Variants in DNAAF1 observed in about 807,000 individuals in gnomAD.
DNAAF1 encodes the protein dynein axonemal assembly factor 1, also known as dynein assembly factor 1, axonemal.
A neutral mutation model predicts 71.1 loss-of-function variants in DNAAF1; 65 were observed. That is an observed-to-expected ratio of 0.91 (90% CI 0.75 to 1.12). The LOEUF (loss-of-function observed/expected upper bound fraction) is 1.12. Ranked by LOEUF, DNAAF1 falls within the 50% of genes most tolerant of loss-of-function variation. The pLI, the probability that DNAAF1 is intolerant of heterozygous loss-of-function variation, is 0.00. For missense variants in DNAAF1, 1,178 were observed against 899.8 expected, an observed-to-expected ratio of 1.31 and a Z score of -3.96; for synonymous variants, 414 against 354.6, an observed-to-expected ratio of 1.17 and a Z score of -1.88.
intron 6 of DNAAF1, among the ~76,000 whole-genome samples, chr16:84,161,545 T>C (rs2087716625): frequency 6.6e-6 from 1 of 152,134 alleles, no homozygotes; most frequent in African/African-American, 2.4e-5. Flanking sequence ...TTAAGTTTTT[T>C]GTAGAGATGG....
rs976873531 is a variant in DNAAF1 at position 84,147,613 on chromosome 16, T to C, written c.125-1394T>C. 9.2e-5 allele frequency among the ~76,000 whole-genome samples: 14 copies of C among 152,124 alleles called. No homozygotes were observed. The East Asian group carries it at 2.7e-3, about 29-fold the overall frequency. The stretch of plus-strand genomic sequence containing the variant: ...AGCTGGGACTACAGGCATGCTCCAC[T>C]ACACCTGGCTTCAGAAATTTTTTAA... On this transcript the variant is annotated intron_variant, in intron 1 of 11. Coordinates refer to ENST00000378553, the MANE Select transcript of DNAAF1 (RefSeq NM_178452.6).
At chr16:84,171,233 C>G (rs374991430) in intron 8 of DNAAF1, among the ~76,000 whole-genome samples, 1 of 152,042 alleles carries the variant, frequency 6.6e-6, no homozygotes, top group African/African-American at 2.4e-5. Context: ...GCCGGGAGTT[C>G]GAGACCAGCC....
rs146766692 is a variant in DNAAF1 at position 84,159,675 on chromosome 16, C to T, written c.742C>T (p.Arg248Cys). The change falls in exon 6 of 12, where the codon CGT becomes TGT. Residue 248 changes from arginine (R) to cysteine (C), a missense_variant and splice_region_variant. Coordinates refer to ENST00000378553, the MANE Select transcript of DNAAF1 (RefSeq NM_178452.6). ...LSILESMPDL[R>C]VLNLMGNPVI... ...TTTGGTTCTGCTTGTCTTCTTGCAG[C>T]GTGTACTGAATTTGATGGGAAACCC... The T allele has an allele frequency of 1.8e-5, 29 of 1,610,430 alleles. No individual in the cohort carries two copies. Among genetic ancestry groups the T allele is most frequent in the African/African-American group, 2.7e-5 (2 of 74,760 alleles).
intron 10 of DNAAF1, 94 bp downstream of exon 10, chr16:84,174,816 T>C: frequency 6.7e-7 from 1 of 1,498,644 alleles, no homozygotes; most frequent in Non-Finnish European, 9.3e-7. Context: ...GAAAGTAAAA[T>C]GTTCCCTGTG....
At chr16:84,177,489 C>T in intron 11 of DNAAF1, 1 of 443,154 alleles carries the variant, frequency 2.3e-6, no homozygotes, top group South Asian at 2.0e-5. Flanking sequence ...CCACCACGCC[C>T]AGCTAATCTT....
chr16:84,176,272 A>T lies in DNAAF1; in HGVS notation c.2038A>T (p.Ser680Cys). 6.2e-7 allele frequency: 1 copy of T among 1,613,558 alleles called. No homozygotes were observed. The highest frequency in any genetic ancestry group is 8.5e-7 in the Non-Finnish European group (1 of 1,179,990). Residue 680 changes from serine to cysteine, a missense_variant, in exon 11 of 12, where the codon AGC becomes TGC. Coordinates refer to ENST00000378553, the MANE Select transcript of DNAAF1 (RefSeq NM_178452.6). ...APLTSSGDRD[S>C]DFLAASSPVP... ...ACTCACTTCCAGTGGAGACAGGGAC[A>T]GCGACTTCCTTGCAGCCTCTTCTCC...
At chr16:84,146,460 T>A (rs570820269) in intron 1 of DNAAF1, among the ~76,000 whole-genome samples, 2 of 152,268 alleles carry the variant, frequency 1.3e-5, no homozygotes, top group East Asian at 3.9e-4. Context: ...CTCACGCCTG[T>A]AATCCCAGCA....
chr16:84,172,199 A>G (rs1291445426), intron 8 of DNAAF1, 61 bp from the exon 9 acceptor site: 13 of 1,512,000 alleles, frequency 8.6e-6, no homozygotes, highest in Non-Finnish European at 1.2e-5. Context: ...TCTTCACCGT[A>G]GGCTCGTCCA....
chr16:84,153,712 C>T (rs181408047), intron 3 of DNAAF1, among the ~76,000 whole-genome samples: 49 of 152,162 alleles, frequency 3.2e-4, no homozygotes, highest in Admixed American at 1.6e-3. Flanking sequence ...ACATTGATGA[C>T]GAGTTACTAA....
At chr16:84,162,776 G>A (rs1048744185) in intron 6 of DNAAF1, among the ~76,000 whole-genome samples, 6 of 152,024 alleles carry the variant, frequency 3.9e-5, no homozygotes, top group Middle Eastern at 3.4e-3. Flanking sequence ...CCAAGATCAC[G>A]CCACTGCACT....
chr16:84,152,810 C>T (rs1450691366), intron 3 of DNAAF1, among the ~76,000 whole-genome samples: 1 of 151,684 alleles, frequency 6.6e-6, no homozygotes, highest in Non-Finnish European at 1.5e-5. Flanking sequence ...AAAAATTAGC[C>T]AGGTGTGGTG....
chr16:84,155,275 C>T (rs1451024382), intron 4 of DNAAF1, among the ~76,000 whole-genome samples: 1 of 152,156 alleles, frequency 6.6e-6, no homozygotes, highest in Non-Finnish European at 1.5e-5. Flanking sequence ...GTCACCCAGG[C>T]TGAAATGCAG....
At chr16:84,149,334 C>T (rs1462173003) in intron 2 of DNAAF1, among the ~76,000 whole-genome samples, 192 bp downstream of exon 2, 1 of 152,200 alleles carries the variant, frequency 6.6e-6, no homozygotes, top group Non-Finnish European at 1.5e-5. Context: ...TAATGCCAGA[C>T]TGCAGAGAGG....
chr16:84,166,188 G>A (rs1028368648), intron 7 of DNAAF1, among the ~76,000 whole-genome samples: 1 of 151,852 alleles, frequency 6.6e-6, no homozygotes, highest in East Asian at 1.9e-4. Context: ...CCAGAGCTGG[G>A]ATTATGGGCA....
intron 1 of DNAAF1, among the ~76,000 whole-genome samples, chr16:84,147,877 C>G (rs369777552): frequency 5.3e-5 from 8 of 152,186 alleles, no homozygotes; most frequent in African/African-American, 1.9e-4. Context: ...GACAGCCTGG[C>G]CAACATGGGG....
At position 84,165,800 on chromosome 16, in the gene DNAAF1, G is replaced by A; in HGVS notation, c.881G>A (p.Trp294Ter). 1 of 1,613,686 alleles carries A rather than the reference G, an allele frequency of 6.2e-7. No homozygotes were observed. Among genetic ancestry groups the A allele is most frequent in the Non-Finnish European group, 8.5e-7 (1 of 1,179,944 alleles). Residue 294 changes from tryptophan to a stop codon, truncating the protein, a stop_gained, in exon 7 of 12, where the codon TGG (tryptophan) becomes TAG (stop). Coordinates refer to ENST00000378553, the MANE Select transcript of DNAAF1 (RefSeq NM_178452.6). LOFTEE classifies it high-confidence loss of function. ...TTAAACAGAGCTTGTGCGGAGGCCTGGGCTAGGGGAGGGTACGCAGCTGAA... is the reference window on the plus strand; with the variant it reads ...TTAAACAGAGCTTGTGCGGAGGCCTAGGCTAGGGGAGGGTACGCAGCTGAA... ...FPKDRACAEA[W>*]ARGGYAAEKE...
Position 84,154,642 on chromosome 16 carries a change from G to C in DNAAF1, c.418G>C (p.Gly140Arg). ...GCGCTGTCTCTGGCTGCAGAGCAAT[G>C]GAATACAGAAAATCGAAAACCTGGA... is the stretch of plus-strand genomic sequence containing the variant. ...GLRCLWLQSN[G>R]IQKIENLEAQ... The change falls in exon 4 of 12, where the codon GGA (glycine) becomes CGA (arginine). Residue 140 changes from glycine (G) to arginine (R), a missense_variant. By Grantham distance (125) the Gly-to-Arg change is moderately radical (BLOSUM62 -2). Coordinates refer to ENST00000378553, the MANE Select transcript of DNAAF1 (RefSeq NM_178452.6). The C allele has an allele frequency of 6.2e-7, 1 of 1,614,172 alleles. No homozygotes were observed. Among genetic ancestry groups the C allele is most frequent in the Middle Eastern group, 1.6e-4 (1 of 6,062 alleles).
At chr16:84,145,671 A>G in intron 1 of DNAAF1, 107 bp downstream of exon 1, 1 of 1,338,146 alleles carries the variant, frequency 7.5e-7, no homozygotes, top group Non-Finnish European at 1.0e-6. Context: ...AAATAATAAC[A>G]ATAATAATAA....
chr16:84,177,549 G>A (rs779886117), intron 11 of DNAAF1, 180 bp from the exon 12 acceptor site: 5 of 608,822 alleles, frequency 8.2e-6, no homozygotes, highest in Middle Eastern at 2.7e-4. Flanking sequence ...GGCTGGTCTC[G>A]AACTCCTGAC....
Sources: gnomAD v4.1 joint callset for allele counts (sites outside exome capture counted in the v4.1 genomes callset) on GRCh38, gnomAD v4.1.1 for gene constraint, MANE v1.5 for transcripts, NCBI Gene and HGNC (gene_info 2026-07-23, HGNC 2026-07-21) for gene names.